ATG7: variants seen among roughly 807,000 people sequenced by gnomAD.
The protein encoded by ATG7 is ubiquitin-like modifier-activating enzyme ATG7.
Under a neutral mutation model 82.4 loss-of-function variants are expected in ATG7, and 70 were observed. The ratio of observed to expected loss-of-function variants is 0.85; its 90% CI spans 0.70 to 1.04. The LOEUF (loss-of-function observed/expected upper bound fraction) is 1.04, where lower values mean the gene tolerates loss of function less well. Among genes scored for constraint, ATG7 ranks in the 50% least tolerant of loss-of-function variants. ATG7 has a pLI of 0.00. For synonymous variants in ATG7, 287 were observed against 313.0 expected (o/e 0.92, Z 0.88); for missense variants, 792 against 864.3 (o/e 0.92, Z 1.05).
chr3:11,289,353 A>G (rs1944585030), intron 3 of ATG7, among the ~76,000 whole-genome samples: 1 of 152,156 alleles, frequency 6.6e-6, no homozygotes, highest in Admixed American at 6.5e-5. Flanking sequence ...TAAGCGCTGT[A>G]GTGATGTTAC....
intron 20 of ATG7, among the ~76,000 whole-genome samples, chr3:11,443,680 C>T (rs2084220796): frequency 1.3e-5 from 2 of 152,144 alleles, no homozygotes; most frequent in South Asian, 4.1e-4. Context: ...AGTGGGATTA[C>T]AGGTCTGAGT....
chr3:11,372,418 G>C lies in ATG7; in HGVS notation c.1876-7554G>C, dbSNP rs533976642. Among the ~76,000 whole-genome samples, 17 of 151,140 alleles carry C rather than the reference G, an allele frequency of 1.1e-4. No homozygotes were observed. In the South Asian group the frequency reaches 3.4e-3, roughly 30 times the overall value. On this transcript the variant is annotated intron_variant, in intron 18 of 20. Coordinates refer to ENST00000693202, the MANE Select transcript of ATG7 (RefSeq NM_001349232.2). Reference sequence around the variant, plus strand: ...GGTTTTCATTTCGTACTTTTCTGCAGTGTTTTGAAAAATTAAGATTATAAG... The same window carrying C: ...GGTTTTCATTTCGTACTTTTCTGCACTGTTTTGAAAAATTAAGATTATAAG...
At chr3:11,484,191 C>T (rs1032989129) in intron 20 of ATG7, among the ~76,000 whole-genome samples, 2 of 152,052 alleles carry the variant, frequency 1.3e-5, no homozygotes, top group African/African-American at 2.4e-5. Context: ...GCCAGGAATT[C>T]GAGACCAGCC....
At chr3:11,388,595 A>G (rs185613541) in intron 19 of ATG7, among the ~76,000 whole-genome samples, 10 of 151,984 alleles carry the variant, frequency 6.6e-5, no homozygotes, top group South Asian at 4.2e-4. Flanking sequence ...CGCCTGGCTA[A>G]TTCTTTGTAC....
At chr3:11,399,402 T>TA (rs1207949300) in intron 19 of ATG7, among the ~76,000 whole-genome samples, 3 of 152,220 alleles carry the variant, frequency 2.0e-5, no homozygotes, top group South Asian at 2.1e-4. Context: ...AGTTCAATGT[T>TA]AAAAAACAAA....
At chr3:11,407,263 G>A (rs549200133) in intron 19 of ATG7, among the ~76,000 whole-genome samples, 7 of 152,222 alleles carry the variant, frequency 4.6e-5, no homozygotes, top group Admixed American at 1.3e-4. Context: ...CTTTGACTCC[G>A]TGTCTCACAT....
chr3:11,374,490 TATC>T (rs1395050692), intron 18 of ATG7, among the ~76,000 whole-genome samples: 9 of 152,220 alleles, frequency 5.9e-5, no homozygotes, highest in African/African-American at 1.9e-4. Context: ...TAGAAGAAAA[TATC>T]ATAAATCTTT....
chr3:11,440,253 G>T (rs143314228), intron 20 of ATG7, among the ~76,000 whole-genome samples: 1 of 151,416 alleles, frequency 6.6e-6, no homozygotes. Context: ...ATGAACTTGC[G>T]ACTCCAATCC....
chr3:11,362,769 T>C (rs1211571063), intron 16 of ATG7, 44 bp from the exon 17 acceptor site: 1 of 1,520,120 alleles, frequency 6.6e-7, no homozygotes, highest in Admixed American at 1.8e-5. Context: ...TAGAGTTGAA[T>C]GGAGTAGAAC....
intron 20 of ATG7, among the ~76,000 whole-genome samples, chr3:11,517,973 G>A (rs1042838902): frequency 1.3e-5 from 2 of 152,196 alleles, no homozygotes; most frequent in African/African-American, 4.8e-5. Flanking sequence ...CTGGCTCAAG[G>A]AGTCCCAGTC....
In ATG7 at chr3:11,306,923, C is replaced by T. The variant is rs201563825; in HGVS notation, c.216-20C>T. ...TGAGTCCCAGCTGTGCCTGACTAAC[C>T]GTGTTTCTCTTGTATCTAGGAGTGC... On this transcript the variant is annotated intron_variant, in intron 5 of 20. Transcript: ENST00000693202. 76 of 1,600,520 alleles carry T rather than the reference C, an allele frequency of 4.7e-5. No individual in the cohort carries two copies. Among genetic ancestry groups the T allele is most frequent in the African/African-American group, 3.5e-4 (26 of 74,710 alleles).
chr3:11,322,401 C>T (rs1215730569), intron 9 of ATG7, among the ~76,000 whole-genome samples: 1 of 152,158 alleles, frequency 6.6e-6, no homozygotes, highest in African/African-American at 2.4e-5. Flanking sequence ...AATAAATGAA[C>T]TGTACTAGGT....
At chr3:11,477,955 T>A (rs1368521138) in intron 20 of ATG7, among the ~76,000 whole-genome samples, 1 of 152,230 alleles carries the variant, frequency 6.6e-6, no homozygotes, top group Non-Finnish European at 1.5e-5. Flanking sequence ...AGTCTCTATC[T>A]TCTACCTTTC....
chr3:11,499,863 G>C lies in ATG7; in HGVS notation c.2080-54948G>C, dbSNP rs78835760. On this transcript the variant is annotated intron_variant, in intron 20 of 20. Transcript: ENST00000693202. ...AGCCACAGTGCTAGCTGTTACACAG[G>C]TGTAGTATCATACCAGTCTTGTGCA... Among the ~76,000 whole-genome samples the C allele has an allele frequency of 2.7e-3, 405 of 152,220 alleles. 8 individuals are homozygous for C. The highest frequency in any genetic ancestry group is 0.017 in the Admixed American group (259 of 15,292).
At chr3:11,407,084 A>G (rs1382287341) in intron 19 of ATG7, among the ~76,000 whole-genome samples, 2 of 152,250 alleles carry the variant, frequency 1.3e-5, no homozygotes, top group East Asian at 3.8e-4. Context: ...CTATGAGCCT[A>G]TATAAATCAA....
chr3:11,308,661 A>G lies in ATG7; in HGVS notation c.334-323A>G, dbSNP rs189240616. 1.3e-4 allele frequency: 49 copies of G among 364,774 alleles called. No individual in the cohort carries two copies. The East Asian group carries it at 2.7e-3, about 20-fold the overall frequency. 22.6% of individuals were successfully genotyped at this position (364,774 alleles called of 1,614,324 possible). On this transcript the variant is annotated intron_variant, in intron 6 of 20. Transcript: ENST00000693202. ...TTTCTGTAACCCTGATGTGCCTGGT[A>G]TATAGTAGACAATAAGTAAATATTT...
intron 20 of ATG7, among the ~76,000 whole-genome samples, chr3:11,478,989 AACACACAC>A (rs71628717): frequency 6.6e-4 from 48 of 73,138 alleles, no homozygotes; most frequent in Middle Eastern, 5.6e-3. Flanking sequence ...GTATATTTAC[AACACACAC>A]ACACACACAC....
At chr3:11,321,472 A>T (rs1020035949) in intron 9 of ATG7, among the ~76,000 whole-genome samples, 1 of 152,210 alleles carries the variant, frequency 6.6e-6, no homozygotes, top group Admixed American at 6.5e-5. Context: ...TTATCCTTAC[A>T]TGCCCTGCAA....
chr3:11,560,266 G>T (rs559108437), downstream of ATG7, among the ~76,000 whole-genome samples: 1 of 152,192 alleles, frequency 6.6e-6, no homozygotes, highest in Non-Finnish European at 1.5e-5. Flanking sequence ...TGGCCCCCCA[G>T]CTTTGGTGTG....
Sources: gnomAD v4.1 joint callset for allele counts (sites outside exome capture counted in the v4.1 genomes callset) on GRCh38, gnomAD v4.1.1 for gene constraint, MANE v1.5 for transcripts, NCBI Gene and HGNC (gene_info 2026-07-23, HGNC 2026-07-21) for gene names.